GRM8: variants seen among roughly 807,000 people sequenced by gnomAD.
GRM8 encodes metabotropic glutamate receptor 8.
Under a neutral mutation model 87.2 loss-of-function variants are expected in GRM8, and 47 were observed. The observed-to-expected ratio is 0.54, with a 90% CI of 0.43 to 0.69. GRM8 has a LOEUF of 0.69. GRM8 is among the 30% of genes least tolerant of loss of function. The pLI is 0.00. For missense variants in GRM8, 1,019 were observed against 1,139.2 expected, an observed-to-expected ratio of 0.89 and a Z score of 1.52; for synonymous variants, 396 against 404.5, an observed-to-expected ratio of 0.98 and a Z score of 0.25.
At chr7:126,938,877 G>T (rs908341716) in intron 3 of GRM8, among the ~76,000 whole-genome samples, 2 of 152,034 alleles carry the variant, frequency 1.3e-5, no homozygotes, top group African/African-American at 4.8e-5. Flanking sequence ...GAAAACAGAT[G>T]GATCGTTTAT....
intron 3 of GRM8, among the ~76,000 whole-genome samples, chr7:127,082,855 A>C (rs1284940227): frequency 6.6e-6 from 1 of 152,210 alleles, no homozygotes; most frequent in Non-Finnish European, 1.5e-5. Flanking sequence ...TGGGGCTTGG[A>C]GAAATCATTT....
chr7:126,875,690 A>G (rs1202436448), intron 6 of GRM8, among the ~76,000 whole-genome samples: 1 of 152,104 alleles, frequency 6.6e-6, no homozygotes, highest in Non-Finnish European at 1.5e-5. Context: ...CTATTTATCA[A>G]AAACTGTTCT....
At chr7:126,991,757 T>C (rs1487950349) in intron 3 of GRM8, among the ~76,000 whole-genome samples, 1 of 152,154 alleles carries the variant, frequency 6.6e-6, no homozygotes, top group African/African-American at 2.4e-5. Flanking sequence ...TCTCATTATG[T>C]TAGAGGGAAA....
chr7:126,772,253 T>C (rs1003686012), intron 6 of GRM8, among the ~76,000 whole-genome samples: 3 of 152,124 alleles, frequency 2.0e-5, no homozygotes, highest in African/African-American at 7.2e-5. Flanking sequence ...TGGTTGCTTA[T>C]GAACAAAGAG....
intron 2 of GRM8, among the ~76,000 whole-genome samples, chr7:127,200,603 T>C (rs1396750526): frequency 6.6e-6 from 1 of 152,202 alleles, no homozygotes; most frequent in African/African-American, 2.4e-5. Flanking sequence ...CCATGTTCTC[T>C]GCAGGCTCTA....
At chr7:127,142,168 G>A (rs767691408) in intron 2 of GRM8, among the ~76,000 whole-genome samples, 2 of 151,868 alleles carry the variant, frequency 1.3e-5, no homozygotes, top group African/African-American at 4.8e-5. Flanking sequence ...TGTAGAGATG[G>A]GGTCTCACTT....
chr7:126,747,073 A>G (rs2299509), intron 7 of GRM8, among the ~76,000 whole-genome samples: 59,107 of 151,574 alleles, frequency 0.39, 12,735 homozygotes, highest in Non-Finnish European at 0.48. Flanking sequence ...CAAATGTATC[A>G]TTGGTGCCCT....
At chr7:126,557,371 T>A (rs1054504614) in intron 8 of GRM8, among the ~76,000 whole-genome samples, 6 of 152,198 alleles carry the variant, frequency 3.9e-5, no homozygotes, top group African/African-American at 1.4e-4. Context: ...CACCTTGGAA[T>A]CACTCTTGGT....
At chr7:126,890,512 A>C (rs1380482834) in intron 6 of GRM8, among the ~76,000 whole-genome samples, 1 of 152,082 alleles carries the variant, frequency 6.6e-6, no homozygotes, top group East Asian at 1.9e-4. Context: ...CTGTTGCACA[A>C]GTCAATATTA....
chr7:127,147,623 A>C (rs1276276852), intron 2 of GRM8, among the ~76,000 whole-genome samples: 1 of 151,922 alleles, frequency 6.6e-6, no homozygotes, highest in East Asian at 1.9e-4. Context: ...TCTAATCCAC[A>C]TTTGCCATAT....
intron 7 of GRM8, 120 bp from the exon 8 acceptor site, chr7:126,609,618 T>C: frequency 1.4e-6 from 1 of 706,228 alleles, no homozygotes; most frequent in Non-Finnish European, 2.3e-6. Flanking sequence ...GATGCAAAGA[T>C]TGCAATCCAT....
At chr7:127,194,671 T>C (rs772720435) in intron 2 of GRM8, among the ~76,000 whole-genome samples, 7 of 152,160 alleles carry the variant, frequency 4.6e-5, no homozygotes, top group Non-Finnish European at 8.8e-5. Flanking sequence ...TGAACTCTCA[T>C]TTAACTAGCT....
chr7:127,215,706 T>C (rs565526840), intron 2 of GRM8, among the ~76,000 whole-genome samples: 61 of 152,342 alleles, frequency 4.0e-4, no homozygotes, highest in Admixed American at 8.5e-4. Context: ...ATTCAGCATT[T>C]CTCAGTGTCT....
At position 126,992,871 on chromosome 7, in the gene GRM8, T is replaced by G. The variant is rs986333542; in HGVS notation, c.728-88188A>C. 1.6e-4 allele frequency among the ~76,000 whole-genome samples: 24 copies of G among 151,882 alleles called. 1 individual carries two copies. Among genetic ancestry groups the G allele is most frequent in the African/African-American group, 5.5e-4 (23 of 41,454 alleles). ...TGTGTGTGTACACAAAGAGGTCATG[T>G]GAGCACACAGTGAGATGGTGGCCAC... On this transcript the variant is annotated intron_variant, in intron 3 of 10. Coordinates refer to ENST00000339582, the MANE Select transcript of GRM8 (RefSeq NM_000845.3).
intron 2 of GRM8, among the ~76,000 whole-genome samples, chr7:127,166,684 A>G (rs952939226): frequency 6.6e-6 from 1 of 152,192 alleles, no homozygotes; most frequent in Non-Finnish European, 1.5e-5. Context: ...TTCTTATAAC[A>G]AAAACTCAAT....
At chr7:126,678,881 G>C (rs1196772449) in intron 7 of GRM8, among the ~76,000 whole-genome samples, 1 of 152,054 alleles carries the variant, frequency 6.6e-6, no homozygotes, top group Non-Finnish European at 1.5e-5. Flanking sequence ...TATTGTAACT[G>C]GTAATTTGGA....
At chr7:126,589,105 C>A (rs1224911091) in intron 8 of GRM8, among the ~76,000 whole-genome samples, 2 of 152,156 alleles carry the variant, frequency 1.3e-5, no homozygotes, top group Non-Finnish European at 2.9e-5. Flanking sequence ...ACCAAACATG[C>A]AAAATTTCTT....
chr7:126,532,401 C>CGT (rs1025437805), intron 9 of GRM8, among the ~76,000 whole-genome samples: 1 of 152,070 alleles, frequency 6.6e-6, no homozygotes, highest in East Asian at 1.9e-4. Flanking sequence ...AGTTTTTATA[C>CGT]GTGTGTGTGA....
chr7:127,091,867 G>A (rs1436806951), intron 3 of GRM8, among the ~76,000 whole-genome samples: 3 of 18,658 alleles, frequency 1.6e-4, no homozygotes, highest in East Asian at 1.5e-3. Flanking sequence ...TGACCCCCCC[G>A]CCGGCCCACT....
Sources: gnomAD v4.1 joint callset for allele counts (sites outside exome capture counted in the v4.1 genomes callset) on GRCh38, gnomAD v4.1.1 for gene constraint, MANE v1.5 for transcripts, NCBI Gene and HGNC (gene_info 2026-07-23, HGNC 2026-07-21) for gene names.